WWC1: variants seen among roughly 807,000 people sequenced by gnomAD.
The protein encoded by WWC1 is WW and C2 domain containing 1.
In WWC1, 55 loss-of-function variants were observed where a neutral mutation model predicts 138.4. The ratio of observed to expected loss-of-function variants is 0.40; its 90% CI spans 0.32 to 0.50. WWC1 has a LOEUF of 0.50. WWC1 is among the 20% of genes least tolerant of loss of function. The pLI, the probability that WWC1 is intolerant of heterozygous loss-of-function variation, is 0.72. For missense variants in WWC1, 1,226 were observed against 1,420.4 expected, an observed-to-expected ratio of 0.86 and a Z score of 2.20; for synonymous variants, 524 against 564.9, an observed-to-expected ratio of 0.93 and a Z score of 1.03.
chr5:168,383,384 A>T (rs927468132), intron 2 of WWC1, among the ~76,000 whole-genome samples: 1 of 152,174 alleles, frequency 6.6e-6, no homozygotes, highest in African/African-American at 2.4e-5. Flanking sequence ...AGAGACGTTA[A>T]ACAGCCTTTC....
Position 168,409,968 on chromosome 5 carries a change from G to C in WWC1, c.914G>C (p.Arg305Pro). Reference sequence around the variant, plus strand: ...CAGTTGGCAGAGAAGGTCAGATTGCGCCTTCGATATGAAGAGGCTAAGAGA... The same window carrying C: ...CAGTTGGCAGAGAAGGTCAGATTGCCCCTTCGATATGAAGAGGCTAAGAGA... ...NNQLAEKVRL[R>P]LRYEEAKRRI... The change falls in exon 8 of 23, where the codon CGC becomes CCC. Residue 305 changes from arginine (R) to proline (P), a missense_variant. Transcript: ENST00000265293. 6.2e-7 allele frequency: 1 copy of C among 1,613,930 alleles called. No individual in the cohort carries two copies. Among genetic ancestry groups the C allele is most frequent in the Non-Finnish European group, 8.5e-7 (1 of 1,179,896 alleles).
Position 168,469,351 on chromosome 5 carries a change from T to C in WWC1, c.*334T>C, listed in dbSNP as rs180749116. The C allele has an allele frequency of 1.7e-3, 473 of 284,572 alleles. No individual in the cohort carries two copies. The highest frequency in any genetic ancestry group is 9.7e-3 in the African/African-American group (449 of 46,282). 17.6% of individuals were successfully genotyped at this position (284,572 alleles called of 1,614,324 possible). A position where few individuals can be genotyped will look rare whatever the true frequency, so the allele number is the denominator to read the frequency against. On this transcript the variant is annotated 3_prime_UTR_variant, in exon 23 of 23. Coordinates refer to ENST00000265293, the MANE Select transcript of WWC1 (RefSeq NM_015238.3). ...GAGTTGCTGCTCTTCTTAAAATCGT[T>C]TAGATTTTTTTTGGTTTGTACAGCT...
intron 16 of WWC1, among the ~76,000 whole-genome samples, chr5:168,443,998 T>G (rs1024085449): frequency 6.6e-6 from 1 of 152,200 alleles, no homozygotes; most frequent in Non-Finnish European, 1.5e-5. Context: ...TCACATGGGC[T>G]TTTTCACTGT....
intron 2 of WWC1, among the ~76,000 whole-genome samples, chr5:168,378,957 G>A (rs926293370): frequency 6.6e-6 from 1 of 152,126 alleles, no homozygotes; most frequent in African/African-American, 2.4e-5. Flanking sequence ...TGTGGCAAGT[G>A]TAGGAAGGGA....
chr5:168,394,809 T>C (rs1017741727), intron 3 of WWC1, among the ~76,000 whole-genome samples: 41 of 152,214 alleles, frequency 2.7e-4, no homozygotes, highest in African/African-American at 8.7e-4. Context: ...GTTTTCTTGA[T>C]TACAGTGCTG....
chr5:168,450,119 A>T (rs146716458), intron 17 of WWC1, among the ~76,000 whole-genome samples: 1 of 152,226 alleles, frequency 6.6e-6, no homozygotes, highest in Non-Finnish European at 1.5e-5. Flanking sequence ...CTTTTGGCTC[A>T]GTATGATAAC....
intron 1 of WWC1, among the ~76,000 whole-genome samples, chr5:168,346,153 C>T (rs1181480208): frequency 6.6e-6 from 1 of 152,028 alleles, no homozygotes; most frequent in Non-Finnish European, 1.5e-5. Context: ...CGAGATTAAT[C>T]GGGTACCTAT....
At chr5:168,384,903 G>A (rs926477254) in intron 2 of WWC1, among the ~76,000 whole-genome samples, 12 of 151,708 alleles carry the variant, frequency 7.9e-5, no homozygotes, top group African/African-American at 2.9e-4. Flanking sequence ...TTTTAGTAGA[G>A]ACGGAGTTTT....
intron 1 of WWC1, among the ~76,000 whole-genome samples, chr5:168,312,266 A>G (rs1771172255): frequency 6.6e-6 from 1 of 152,144 alleles, no homozygotes; most frequent in African/African-American, 2.4e-5. Context: ...TGCAAAGCAC[A>G]GTTCTAACTG....
At chr5:168,403,561 A>T (rs919352306) in intron 5 of WWC1, among the ~76,000 whole-genome samples, 2 of 152,336 alleles carry the variant, frequency 1.3e-5, no homozygotes, top group African/African-American at 4.8e-5. Context: ...GTTGATGAGG[A>T]TTAAAGGTTG....
intron 21 of WWC1, among the ~76,000 whole-genome samples, chr5:168,465,295 C>T (rs147171557): frequency 9.8e-5 from 15 of 152,288 alleles, no homozygotes; most frequent in South Asian, 6.2e-4. Context: ...TGCCACAGCA[C>T]GCACTTTAAA....
chr5:168,408,360 C>T, intron 6 of WWC1, 147 bp from the exon 7 acceptor site: 1 of 927,192 alleles, frequency 1.1e-6, no homozygotes, highest in Non-Finnish European at 1.6e-6. Context: ...TCACTGCTAG[C>T]TCTCTATCAC....
rs766286099 is a variant in WWC1 at position 168,464,725 on chromosome 5, A to G, written c.2917-4A>G. 15 of 1,614,004 alleles carry G rather than the reference A, an allele frequency of 9.3e-6. No individual in the cohort carries two copies. In the South Asian group the frequency reaches 1.5e-4, roughly 17 times the overall value. On this transcript the variant is annotated splice_region_variant and splice_polypyrimidine_tract_variant and intron_variant, in intron 20 of 22. Coordinates refer to ENST00000265293, the MANE Select transcript of WWC1 (RefSeq NM_015238.3). ...AACAAGAGAAGCCGTCCCCACCCCCACAGCCTTCCTCGGTCAAGTCGCTGC... is the reference window on the plus strand; with the variant it reads ...AACAAGAGAAGCCGTCCCCACCCCCGCAGCCTTCCTCGGTCAAGTCGCTGC...
intron 1 of WWC1, among the ~76,000 whole-genome samples, chr5:168,314,609 A>T (rs1771411277): frequency 1.3e-5 from 2 of 152,014 alleles, no homozygotes; most frequent in Non-Finnish European, 2.9e-5. Context: ...CTGTGAGGGG[A>T]CTAGCACAAT....
chr5:168,366,489 C>T (rs1375984343), intron 1 of WWC1, among the ~76,000 whole-genome samples: 1 of 152,178 alleles, frequency 6.6e-6, no homozygotes. Context: ...CCTTTGCCCT[C>T]TCCTTCTAGC....
rs1355947515 is a variant in WWC1, at chr5:168,441,686, G to T, written c.2285G>T (p.Gly762Val). Residue 762 changes from glycine (G) to valine (V), a missense_variant, in exon 16 of 23, where the codon GGC (glycine) becomes GTC (valine). Gly to Val is a moderately radical substitution (Grantham distance 109). Around this residue, in one of 3 missense-constraint regions of WWC1, gnomAD observed 1,016 missense variants for 1,153.9 expected, o/e 0.88. Transcript: ENST00000265293. ...CCTTGTTTCCATCCCCAACAGGGAG[G>T]CGCCCAGATCAGCCTGGCGGAGGTC... Reference protein sequence around the residue: ...DRSHLEECLGGAQISLAEVCR... With the variant: ...DRSHLEECLGVAQISLAEVCR... 6.2e-7 allele frequency: 1 copy of T among 1,613,754 alleles called. No individual in the cohort carries two copies. The highest frequency in any genetic ancestry group is 8.5e-7 in the Non-Finnish European group (1 of 1,179,846).
Position 168,414,602 on chromosome 5 carries a change from G to C in WWC1, c.1184+12G>C, listed in dbSNP as rs1424876126. On this transcript the variant is annotated intron_variant, in intron 9 of 22. Coordinates refer to ENST00000265293, the MANE Select transcript of WWC1 (RefSeq NM_015238.3). ...GCGCTGACGGAGAGGTGGGGCTGGG[G>C]CCCCAGGGTGTGTAGGACCCTTCTC... The C allele has an allele frequency of 2.6e-6, 4 of 1,547,130 alleles. No individual in the cohort carries two copies. The African/African-American group carries it at 5.5e-5, about 21-fold the overall frequency.
chr5:168,299,392 C>T (rs1581849862), intron 1 of WWC1, among the ~76,000 whole-genome samples: 1 of 152,184 alleles, frequency 6.6e-6, no homozygotes, highest in Non-Finnish European at 1.5e-5. Flanking sequence ...GGCATAAACT[C>T]CACCTTCTGG....
intron 15 of WWC1, among the ~76,000 whole-genome samples, chr5:168,433,515 G>A (rs913052268): frequency 6.6e-6 from 1 of 152,144 alleles, no homozygotes; most frequent in Admixed American, 6.6e-5. Context: ...TATATGGCAG[G>A]CACTGAGTTA....
Sources: gnomAD v4.1 joint callset for allele counts (sites outside exome capture counted in the v4.1 genomes callset) on GRCh38, gnomAD v4.1.1 for gene constraint, gnomAD v4.1.1 regional missense constraint, MANE v1.5 for transcripts, NCBI Gene and HGNC (gene_info 2026-07-23, HGNC 2026-07-21) for gene names.